The following EYS variants were observed in gnomAD, a reference collection of about 807,000 sequenced individuals.
EYS encodes EGF-like photoreceptor maintenance factor.
EYS carries 250 observed loss-of-function variants against 282.1 expected under a neutral mutation model. The ratio of observed to expected loss-of-function variants is 0.89; its 90% confidence interval spans 0.80 to 0.98. The LOEUF is 0.98. Ranked by LOEUF, EYS falls within the 50% of genes least tolerant of loss-of-function variation. The probability of loss-of-function intolerance (pLI) is 0.00; values close to 1 mark genes in which losing one functional copy is unlikely to be tolerated. For missense variants in EYS, 4,016 were observed against 3,709.0 expected (o/e 1.08, Z -2.15); for synonymous variants, 1,355 against 1,282.9 (o/e 1.06, Z -1.20).
At chr6:64,819,292 AGAAT>A (rs1010907255) in intron 21 of EYS, among the ~76,000 whole-genome samples, 4 of 152,204 alleles carry the variant, frequency 2.6e-5, no homozygotes, top group African/African-American at 9.7e-5. Flanking sequence ...TAAGATTTAC[AGAAT>A]GAATGAGCAA....
At chr6:63,739,963 G>T (rs1311977425) in intron 41 of EYS, among the ~76,000 whole-genome samples, 2 of 151,486 alleles carry the variant, frequency 1.3e-5, no homozygotes, top group East Asian at 3.9e-4. Context: ...CTCCCAAAGT[G>T]CTGGGATTAC....
intron 12 of EYS, among the ~76,000 whole-genome samples, chr6:65,267,497 A>G (rs1767789416): frequency 6.6e-6 from 1 of 152,020 alleles, no homozygotes; most frequent in African/African-American, 2.4e-5. Flanking sequence ...AGTGTTTTCC[A>G]TGGGGTTTCA....
chr6:64,934,972 T>C (rs1462066177), intron 15 of EYS, among the ~76,000 whole-genome samples: 3 of 151,752 alleles, frequency 2.0e-5, no homozygotes, highest in African/African-American at 7.2e-5. Context: ...TTATAATGTA[T>C]AAGATATAAT....
In EYS at chr6:63,755,209, T is replaced by C. The variant is rs141644300; in HGVS notation, c.8071+7252A>G. 4.9e-4 allele frequency among the ~76,000 whole-genome samples: 74 copies of C among 152,366 alleles called. No individual in the cohort carries two copies. In the East Asian group the frequency reaches 0.013, roughly 27 times the overall value. On this transcript the variant is annotated intron_variant, in intron 41 of 42. Coordinates refer to ENST00000503581, the MANE Select transcript of EYS (RefSeq NM_001142800.2). ...CTTTAGTTTACTTAGATCCCACTTGTCAATTTTGGCTTTTGTTGCCATTGC... is the reference window on the plus strand; with the variant it reads ...CTTTAGTTTACTTAGATCCCACTTGCCAATTTTGGCTTTTGTTGCCATTGC...
intron 26 of EYS, among the ~76,000 whole-genome samples, chr6:64,555,439 A>C (rs1221300350): frequency 6.6e-6 from 1 of 151,952 alleles, no homozygotes; most frequent in African/African-American, 2.4e-5. Context: ...TGTATGACAC[A>C]GCGACTATAG....
At position 63,721,443 on chromosome 6, in the gene EYS, A is replaced by G; in HGVS notation, c.8588T>C (p.Phe2863Ser). Residue 2863 changes from phenylalanine to serine, a missense_variant, in exon 43 of 43, where the codon TTT (phenylalanine) becomes TCT (serine). Transcript: ENST00000503581. ...TACATTTGAGCCACCTTTTGCTCCA[A>G]ATTCAGTTAATTGTAATTCTTGATT... The part of the protein sequence containing the change: ...INNQELQLTE[F>S]GAKGGSNVGD... 1.9e-6 allele frequency: 3 copies of G among 1,551,634 alleles called. No individual in the cohort carries two copies. The highest frequency in any genetic ancestry group is 2.6e-6 in the Non-Finnish European group (3 of 1,146,914).
At chr6:64,704,912 T>G (rs1157458704) in intron 22 of EYS, among the ~76,000 whole-genome samples, 2 of 151,940 alleles carry the variant, frequency 1.3e-5, no homozygotes, top group African/African-American at 4.8e-5. Flanking sequence ...CGTTGAAAAC[T>G]GGAACAAGAC....
At chr6:64,922,687 C>T (rs917970240) in intron 15 of EYS, among the ~76,000 whole-genome samples, 3 of 152,144 alleles carry the variant, frequency 2.0e-5, no homozygotes, top group African/African-American at 4.8e-5. Flanking sequence ...AAATGCACTG[C>T]TTCTAGTCTG....
At chr6:64,092,733 G>A (rs1473388967) in intron 31 of EYS, among the ~76,000 whole-genome samples, 2 of 151,624 alleles carry the variant, frequency 1.3e-5, no homozygotes, top group Non-Finnish European at 2.9e-5. Context: ...AGTTTCTTTT[G>A]CTGTGCAGAA....
intron 12 of EYS, among the ~76,000 whole-genome samples, chr6:65,235,683 T>C (rs553360512): frequency 6.6e-6 from 1 of 152,316 alleles, no homozygotes; most frequent in East Asian, 1.9e-4. Flanking sequence ...AATTATGTGA[T>C]TCTGGTAATT....
chr6:63,868,163 G>A (rs1386071516), intron 35 of EYS, among the ~76,000 whole-genome samples: 3 of 151,842 alleles, frequency 2.0e-5, no homozygotes, highest in Non-Finnish European at 4.4e-5. Flanking sequence ...AAATTCACTC[G>A]GTCATTTTAA....
chr6:65,486,522 T>C (rs937330851), intron 5 of EYS, among the ~76,000 whole-genome samples: 1 of 152,194 alleles, frequency 6.6e-6, no homozygotes, highest in Non-Finnish European at 1.5e-5. Context: ...AAGTTGCATT[T>C]TTTAGATAAA....
intron 12 of EYS, among the ~76,000 whole-genome samples, chr6:65,227,960 T>A (rs991424870): frequency 7.9e-5 from 12 of 152,026 alleles, no homozygotes; most frequent in Non-Finnish European, 1.5e-4. Context: ...GAGTTTCAGT[T>A]TGGGATGATT....
chr6:65,491,790 A>G (rs1027086600), intron 4 of EYS, among the ~76,000 whole-genome samples: 2 of 152,194 alleles, frequency 1.3e-5, no homozygotes, highest in African/African-American at 4.8e-5. Flanking sequence ...CCTCAGCATC[A>G]CAGAGTATCT....
chr6:63,852,155 TCAA>T (rs1460739708), intron 36 of EYS, among the ~76,000 whole-genome samples: 1 of 6,166 alleles, frequency 1.6e-4, no homozygotes, highest in Non-Finnish European at 3.2e-4. Flanking sequence ...AGACTCTGTC[TCAA>T]AAAAAAAAAA....
At chr6:65,060,807 C>T (rs1773553146) in intron 12 of EYS, among the ~76,000 whole-genome samples, 1 of 149,194 alleles carries the variant, frequency 6.7e-6, no homozygotes, top group Non-Finnish European at 1.5e-5. Context: ...TATATACACA[C>T]ACATACATAT....
chr6:64,039,118 A>G (rs1770265154), intron 33 of EYS, among the ~76,000 whole-genome samples: 1 of 152,160 alleles, frequency 6.6e-6, no homozygotes, highest in Non-Finnish European at 1.5e-5. Flanking sequence ...ATTTTCAAAT[A>G]CCTGACTGGC....
chr6:64,307,798 C>G (rs1418866523), intron 29 of EYS, among the ~76,000 whole-genome samples: 1 of 150,532 alleles, frequency 6.6e-6, no homozygotes. Flanking sequence ...TTTTACTACC[C>G]ATATGTATCT....
chr6:63,738,658 A>G (rs1768992300), intron 41 of EYS, among the ~76,000 whole-genome samples: 1 of 151,584 alleles, frequency 6.6e-6, no homozygotes, highest in African/African-American at 2.4e-5. Context: ...TAATGGGTGC[A>G]GCACACCAGC....
Sources: gnomAD v4.1 joint callset for allele counts (sites outside exome capture counted in the v4.1 genomes callset) on GRCh38, gnomAD v4.1.1 for gene constraint, MANE v1.5 for transcripts, NCBI Gene and HGNC (gene_info 2026-07-23, HGNC 2026-07-21) for gene names.